PXYLP1: variants seen among roughly 807,000 people sequenced by gnomAD.
PXYLP1 encodes 2-phosphoxylose phosphatase 1, also known as acid phosphatase-like 2.
A neutral mutation model predicts 37.9 loss-of-function variants in PXYLP1; 17 were observed. That is an observed-to-expected ratio of 0.45 (90% CI 0.31 to 0.67). The LOEUF (loss-of-function observed/expected upper bound fraction) is 0.67, where lower values mean the gene tolerates loss of function less well. Ranked by LOEUF, PXYLP1 falls within the 30% of genes least tolerant of loss-of-function variation. PXYLP1 has a pLI of 0.07. For missense variants in PXYLP1, 511 were observed against 612.0 expected (o/e 0.84, Z 1.74); for synonymous variants, 221 against 232.2 (o/e 0.95, Z 0.44).
At chr3:141,247,915 TG>T in intron 1 of PXYLP1, among the ~76,000 whole-genome samples, 1 of 152,320 alleles carries the variant, frequency 6.6e-6, no homozygotes, top group African/African-American at 2.4e-5. Context: ...TCAACCACTT[TG>T]GCTCCCAAAT....
intron 1 of PXYLP1, among the ~76,000 whole-genome samples, chr3:141,259,820 CT>C (rs1941348261): frequency 6.6e-6 from 1 of 152,184 alleles, no homozygotes; most frequent in African/African-American, 2.4e-5. Flanking sequence ...AATAAACATC[CT>C]TTGCGTTTTT....
At chr3:141,291,201 C>T (rs1359483580) in intron 5 of PXYLP1, among the ~76,000 whole-genome samples, 1 of 152,106 alleles carries the variant, frequency 6.6e-6, no homozygotes, top group Non-Finnish European at 1.5e-5. Context: ...ACTGTTTGGA[C>T]ATCTGAATAA....
At chr3:141,245,797 C>G (rs1940921331) in intron 1 of PXYLP1, among the ~76,000 whole-genome samples, 1 of 152,152 alleles carries the variant, frequency 6.6e-6, no homozygotes, top group African/African-American at 2.4e-5. Flanking sequence ...ACCATGAGCT[C>G]TTGTTATATA....
intron 4 of PXYLP1, among the ~76,000 whole-genome samples, chr3:141,285,278 C>T (rs1484504642): frequency 6.6e-6 from 1 of 150,592 alleles, no homozygotes; most frequent in Non-Finnish European, 1.5e-5. Flanking sequence ...TCCTGAGTGG[C>T]TGAGACTATA....
intron 4 of PXYLP1, among the ~76,000 whole-genome samples, chr3:141,284,213 C>T (rs577208409): frequency 6.6e-6 from 1 of 152,244 alleles, no homozygotes; most frequent in Non-Finnish European, 1.5e-5. Flanking sequence ...GTCAGCTCCA[C>T]CTGGTCATTC....
intron 2 of PXYLP1, chr3:141,273,309 C>T: frequency 1.0e-6 from 1 of 985,434 alleles, no homozygotes; most frequent in Non-Finnish European, 1.2e-6. Flanking sequence ...GGCTTACAGG[C>T]TTCAGGACCT....
At chr3:141,271,418 G>T (rs1941661132) in intron 2 of PXYLP1, among the ~76,000 whole-genome samples, 1 of 152,220 alleles carries the variant, frequency 6.6e-6, no homozygotes, top group South Asian at 2.1e-4. Flanking sequence ...CAGTGTTGAA[G>T]TCCCAAAAAG....
intron 2 of PXYLP1, among the ~76,000 whole-genome samples, chr3:141,270,443 T>TA (rs1206033046): frequency 6.6e-6 from 1 of 152,242 alleles, no homozygotes; most frequent in Non-Finnish European, 1.5e-5. Flanking sequence ...ATTTGACAGT[T>TA]ACAGTGCACT....
chr3:141,253,355 G>C, intron 1 of PXYLP1, among the ~76,000 whole-genome samples: 1 of 152,184 alleles, frequency 6.6e-6, no homozygotes, highest in Non-Finnish European at 1.5e-5. Context: ...GCTTTCCCTA[G>C]GCACAACACT....
chr3:141,274,650 C>G, intron 2 of PXYLP1: 2 of 722,444 alleles, frequency 2.8e-6, no homozygotes, highest in Non-Finnish European at 5.0e-6. Context: ...TATCCTCTGT[C>G]AGTCAGCGGG....
chr3:141,292,956 G>T lies in PXYLP1; in HGVS notation c.1194G>T (p.Arg398Ser). 2 of 1,614,202 alleles carry T rather than the reference G, an allele frequency of 1.2e-6. No individual in the cohort carries two copies. Among genetic ancestry groups the T allele is most frequent in the East Asian group, 4.5e-5 (2 of 44,882 alleles). ...ALGLSEARFP[R>S]FAARLIFELW... ...GCCTTTCAGAAGCCAGGTTCCCAAG[G>T]TTTGCAGCCAGGTTGATCTTTGAGC... Residue 398 changes from arginine (R) to serine (S), a missense_variant, in exon 6 of 6, where the codon AGG becomes AGT. Coordinates refer to ENST00000286353, the MANE Select transcript of PXYLP1 (RefSeq NM_001037172.3). This position sits in a 1 kb window ranked among gnomAD's most constrained non-coding sequence, Gnocchi z 4.3.
chr3:141,248,834 C>A (rs566597211), intron 1 of PXYLP1, among the ~76,000 whole-genome samples: 3 of 120,014 alleles, frequency 2.5e-5, no homozygotes, highest in Non-Finnish European at 5.6e-5. Flanking sequence ...TATACACACA[C>A]GTGTATATAT....
chr3:141,252,928 C>A (rs1941176194), intron 1 of PXYLP1, among the ~76,000 whole-genome samples: 1 of 152,180 alleles, frequency 6.6e-6, no homozygotes, highest in African/African-American at 2.4e-5. Flanking sequence ...CAATATGTTG[C>A]CCCTGCTGAG....
chr3:141,293,625 C>T lies in PXYLP1; in HGVS notation c.*420C>T, dbSNP rs1265021990. On this transcript the variant is annotated 3_prime_UTR_variant, in exon 6 of 6. Transcript: ENST00000286353. Reference sequence around the variant, plus strand: ...TTAAGAATTTCTTGAAGTGATTTATCTAAAATAAAGGTTGGCAAACTTTTT... The same window carrying T: ...TTAAGAATTTCTTGAAGTGATTTATTTAAAATAAAGGTTGGCAAACTTTTT... The T allele has an allele frequency of 6.0e-6, 1 of 166,508 alleles. No homozygotes were observed. The highest frequency in any genetic ancestry group is 1.3e-5 in the Non-Finnish European group (1 of 75,838). The allele number at this position is 166,508 out of a possible 1,614,324, so 10.3% of individuals were successfully genotyped here.
At chr3:141,267,493 T>G (rs945491658) in intron 2 of PXYLP1, 8 of 152,230 alleles carry the variant, frequency 5.3e-5, no homozygotes, top group African/African-American at 1.9e-4. Flanking sequence ...AATTCTGTAT[T>G]TTTTGTTAAT....
At chr3:141,252,461 A>T (rs1168787976) in intron 1 of PXYLP1, among the ~76,000 whole-genome samples, 1 of 152,154 alleles carries the variant, frequency 6.6e-6, no homozygotes, top group Non-Finnish European at 1.5e-5. Flanking sequence ...GAGCCAGCGT[A>T]TCACACGGTG....
intron 4 of PXYLP1, among the ~76,000 whole-genome samples, chr3:141,284,767 A>G (rs1942033592): frequency 6.6e-6 from 1 of 152,196 alleles, no homozygotes; most frequent in Non-Finnish European, 1.5e-5. Context: ...GTTTTTTCCA[A>G]GTATTTTTGG....
intron 2 of PXYLP1, among the ~76,000 whole-genome samples, chr3:141,268,206 A>T (rs28688578): frequency 0.1 from 5,296 of 51,292 alleles, 281 homozygotes; most frequent in African/African-American, 0.19. Context: ...AGAGAGAGAG[A>T]GTGTGTGTGT....
chr3:141,232,631 C>A (rs1446165767), intron 1 of PXYLP1, among the ~76,000 whole-genome samples: 2 of 152,220 alleles, frequency 1.3e-5, no homozygotes, highest in Non-Finnish European at 2.9e-5. Flanking sequence ...GGTGAACTTG[C>A]CTATGTCCTG....
Sources: allele counts gnomAD v4.1 joint callset (sites outside exome capture counted in the v4.1 genomes callset), GRCh38; gene constraint gnomAD v4.1.1; non-coding constraint Gnocchi (gnomAD v3.1); transcripts MANE v1.5; gene names NCBI Gene and HGNC (gene_info 2026-07-23, HGNC 2026-07-21).